The following POMT2 variants were observed in gnomAD, a reference collection of about 807,000 sequenced individuals.
POMT2 encodes protein O-mannosyl-transferase 2.
A neutral mutation model predicts 100.0 loss-of-function variants in POMT2; 75 were observed. The ratio of observed to expected loss-of-function variants is 0.75; its 90% CI spans 0.62 to 0.91. The LOEUF (loss-of-function observed/expected upper bound fraction) is 0.91. Ranked by LOEUF, POMT2 falls within the 40% of genes least tolerant of loss-of-function variation. The pLI is 0.00. For synonymous variants in POMT2, 378 were observed against 374.1 expected, an observed-to-expected ratio of 1.01 and a Z score of -0.12; for missense variants, 940 against 955.1, an observed-to-expected ratio of 0.98 and a Z score of 0.21.
chr14:77,283,668 G>C, intron 15 of POMT2, 129 bp downstream of exon 15: 1 of 855,056 alleles, frequency 1.2e-6, no homozygotes, highest in East Asian at 2.4e-5. Flanking sequence ...ACAGAAAACC[G>C]TAGTAAAGAT....
At position 77,306,693 on chromosome 14, in the gene POMT2, C is replaced by G. The variant is rs542801767; in HGVS notation, c.334-252G>C. 3.5e-4 allele frequency: 141 copies of G among 407,896 alleles called. 1 individual carries two copies. The highest frequency in any genetic ancestry group is 2.7e-3 in the South Asian group (126 of 47,302). The allele number at this position is 407,896 out of a possible 1,614,324, so 25.3% of individuals were successfully genotyped here. The stretch of plus-strand genomic sequence containing the variant: ...GTCTAGGAACAGCACAACCTAAACA[C>G]TCAGGAAGGAAAAAGAGCCCCACAA... On this transcript the variant is annotated intron_variant, in intron 2 of 20. Transcript: ENST00000261534.
chr14:77,310,686 C>A (rs569006720), intron 2 of POMT2, among the ~76,000 whole-genome samples: 4 of 152,242 alleles, frequency 2.6e-5, no homozygotes, highest in Non-Finnish European at 5.9e-5. Context: ...CTGCCTTTAT[C>A]CCCCAAGTAC....
intron 6 of POMT2, chr14:77,300,840 CATTATAA>C (rs1891008734): frequency 1.8e-5 from 8 of 452,804 alleles, no homozygotes; most frequent in Non-Finnish European, 3.1e-5. Flanking sequence ...AAAAGACAGA[CATTATAA>C]AACAAATGCA....
intron 9 of POMT2, among the ~76,000 whole-genome samples, chr14:77,294,624 T>A (rs1284676287): frequency 1.3e-5 from 2 of 152,228 alleles, no homozygotes; most frequent in Admixed American, 1.3e-4. Flanking sequence ...TTTAAAACCA[T>A]TTTTAAAATG....
Position 77,285,464 on chromosome 14 carries a change from A to G in POMT2, c.1484+17T>C, listed in dbSNP as rs769039137. 15 of 1,614,010 alleles carry G rather than the reference A, an allele frequency of 9.3e-6. No individual in the cohort carries two copies. In the African/African-American group the frequency reaches 2.0e-4, roughly 22 times the overall value. On this transcript the variant is annotated intron_variant, in intron 13 of 20. Coordinates refer to ENST00000261534, the MANE Select transcript of POMT2 (RefSeq NM_013382.7). ...ATCAGGACCCTCGATTGGGACAGCA[A>G]AACCCTAGAGACTTACCACTTGGGC... is the stretch of plus-strand genomic sequence containing the variant.
At chr14:77,279,735 GGC>G in intron 18 of POMT2, 86 bp downstream of exon 18, 2 of 1,297,348 alleles carry the variant, frequency 1.5e-6, no homozygotes, top group Middle Eastern at 1.8e-4. Context: ...CGCAAAGGAT[GGC>G]CCATCAGCAG....
At chr14:77,296,944 G>A (rs1890853567) in intron 8 of POMT2, among the ~76,000 whole-genome samples, 1 of 152,170 alleles carries the variant, frequency 6.6e-6, no homozygotes, top group Admixed American at 6.5e-5. Flanking sequence ...GCCTGCCTGT[G>A]GCCCTGGAAG....
chr14:77,298,835 G>C, intron 7 of POMT2, 64 bp from the exon 8 acceptor site: 1 of 1,402,190 alleles, frequency 7.1e-7, no homozygotes, highest in Non-Finnish European at 1.0e-6. Flanking sequence ...TTTCCCAGGA[G>C]CGCTGGGAAG....
chr14:77,280,340 G>C, intron 16 of POMT2, 52 bp downstream of exon 16: 2 of 1,612,446 alleles, frequency 1.2e-6, no homozygotes, highest in Non-Finnish European at 1.7e-6. Flanking sequence ...CGGTCTCCCT[G>C]CTCTTGTTCT....
At chr14:77,298,904 T>C (rs1890924680) in intron 7 of POMT2, 133 bp from the exon 8 acceptor site, 3 of 894,874 alleles carry the variant, frequency 3.4e-6, no homozygotes, top group South Asian at 2.8e-5. Context: ...AGGTGGGTGA[T>C]GGAGTTGGAG....
chr14:77,300,615 T>G (rs1008194173), intron 6 of POMT2: 2 of 177,298 alleles, frequency 1.1e-5, no homozygotes, highest in Non-Finnish European at 1.2e-5. Context: ...AGGTCAGGGG[T>G]TTGAGAACAA....
At chr14:77,315,056 C>T (rs1438964489) in intron 1 of POMT2, among the ~76,000 whole-genome samples, 1 of 152,158 alleles carries the variant, frequency 6.6e-6, no homozygotes, top group East Asian at 1.9e-4. Context: ...ACACACCCAT[C>T]CTAGTATGCT....
chr14:77,280,143 G>T, intron 16 of POMT2, 63 bp from the exon 17 acceptor site: 1 of 1,612,082 alleles, frequency 6.2e-7, no homozygotes. Flanking sequence ...ACCCATTAGG[G>T]GGAGGAAGAT....
At chr14:77,308,889 G>A in intron 2 of POMT2, 1 of 354,456 alleles carries the variant, frequency 2.8e-6, no homozygotes, top group Non-Finnish European at 5.4e-6. Context: ...GATGTTCACT[G>A]CAATATCTTT....
intron 1 of POMT2, among the ~76,000 whole-genome samples, chr14:77,313,772 A>T (rs1395912046): frequency 6.6e-6 from 1 of 152,138 alleles, no homozygotes; most frequent in East Asian, 1.9e-4. Context: ...CATGGACACA[A>T]TCTTGGCTCA....
At position 77,277,210 on chromosome 14, in the gene POMT2, A is replaced by G. The variant is rs368779822; in HGVS notation, c.*166T>C. ...CTGCGGCTCTCTCCCGGCTCTCTCC[A>G]ATGCTGGGTTCCATTCCAGCTGCAC... On this transcript the variant is annotated 3_prime_UTR_variant, in exon 21 of 21. Coordinates refer to ENST00000261534, the MANE Select transcript of POMT2 (RefSeq NM_013382.7). 39 of 665,448 alleles carry G rather than the reference A, an allele frequency of 5.9e-5. No individual in the cohort carries two copies. The East Asian group carries it at 1.1e-3, about 18-fold the overall frequency. 41.2% of individuals were successfully genotyped at this position (665,448 alleles called of 1,614,324 possible). A position where few individuals can be genotyped will look rare whatever the true frequency, so the allele number is the denominator to read the frequency against.
intron 15 of POMT2, among the ~76,000 whole-genome samples, chr14:77,282,641 T>C (rs1478419062): frequency 6.6e-6 from 1 of 152,154 alleles, no homozygotes; most frequent in African/African-American, 2.4e-5. Context: ...CAGGCCACAG[T>C]GACAGCTACA....
chr14:77,314,392 G>A (rs528678590), intron 1 of POMT2, among the ~76,000 whole-genome samples: 1 of 152,334 alleles, frequency 6.6e-6, no homozygotes, highest in South Asian at 2.1e-4. Flanking sequence ...TGTGCCATGA[G>A]AAATAAAGTC....
chr14:77,279,422 G>T (rs1890118253), intron 18 of POMT2: 1 of 427,452 alleles, frequency 2.3e-6, no homozygotes, highest in Non-Finnish European at 4.6e-6. Flanking sequence ...AGAGGACAGG[G>T]CCATGGAACA....
Sources: gnomAD v4.1 joint callset for allele counts (sites outside exome capture counted in the v4.1 genomes callset) on GRCh38, gnomAD v4.1.1 for gene constraint, MANE v1.5 for transcripts, NCBI Gene and HGNC (gene_info 2026-07-23, HGNC 2026-07-21) for gene names.